CEP85L: variants seen among roughly 807,000 people sequenced by gnomAD.
CEP85L encodes centrosomal protein 85L.
A neutral mutation model predicts 100.3 loss-of-function variants in CEP85L; 60 were observed. The ratio of observed to expected loss-of-function variants is 0.60; its 90% CI spans 0.49 to 0.74. The LOEUF is 0.74. CEP85L is among the 30% of genes least tolerant of loss of function. The pLI, the probability that CEP85L is intolerant of heterozygous loss-of-function variation, is 0.00. For missense variants in CEP85L, 973 were observed against 936.2 expected (o/e 1.04, Z -0.51); for synonymous variants, 319 against 322.7 (o/e 0.99, Z 0.12).
At chr6:118,576,629 C>G (rs946937220) in intron 2 of CEP85L, among the ~76,000 whole-genome samples, 48 of 152,090 alleles carry the variant, frequency 3.2e-4, no homozygotes, top group African/African-American at 1.0e-3. Context: ...AGAGTTAATA[C>G]TCCTGTGTCT....
At chr6:118,517,805 T>C (rs1354846156) in intron 4 of CEP85L, among the ~76,000 whole-genome samples, 1 of 152,232 alleles carries the variant, frequency 6.6e-6, no homozygotes, top group Admixed American at 6.5e-5. Flanking sequence ...GGCATCCTTG[T>C]CTTGTGCCAG....
chr6:118,680,185 T>G (rs1264133113), intron 1 of CEP85L, among the ~76,000 whole-genome samples: 4 of 150,898 alleles, frequency 2.7e-5, no homozygotes, highest in Non-Finnish European at 4.4e-5. Flanking sequence ...CCCAGCTACT[T>G]GGGAGGCTGA....
chr6:118,472,932 A>G (rs1303102855), intron 10 of CEP85L, among the ~76,000 whole-genome samples: 1 of 152,200 alleles, frequency 6.6e-6, no homozygotes, highest in Non-Finnish European at 1.5e-5. Flanking sequence ...GTTTTAACGT[A>G]AGTATCCAGA....
At chr6:118,683,505 T>G (rs1776734609) in intron 1 of CEP85L, among the ~76,000 whole-genome samples, 1 of 152,210 alleles carries the variant, frequency 6.6e-6, no homozygotes, top group Non-Finnish European at 1.5e-5. Flanking sequence ...CAACGAATCT[T>G]CCTTCTCCTT....
chr6:118,632,750 C>T (rs1583199771), intron 1 of CEP85L, 139 bp from the exon 2 acceptor site: 2 of 560,604 alleles, frequency 3.6e-6, no homozygotes, highest in African/African-American at 3.8e-5. Context: ...AAATGATCAA[C>T]AAAATTAACC....
At chr6:118,492,178 T>C (rs1288716388) in intron 5 of CEP85L, among the ~76,000 whole-genome samples, 1 of 152,132 alleles carries the variant, frequency 6.6e-6, no homozygotes, top group East Asian at 1.9e-4. Flanking sequence ...ACAGCTATTA[T>C]TTGATTTTAA....
At chr6:118,549,672 A>G (rs1056613698) in intron 3 of CEP85L, among the ~76,000 whole-genome samples, 1 of 151,810 alleles carries the variant, frequency 6.6e-6, no homozygotes, top group Non-Finnish European at 1.5e-5. Context: ...TTTTCCTTTG[A>G]TAGTACATAA....
chr6:118,491,655 G>C (rs1774581669), intron 6 of CEP85L, 31 bp downstream of exon 6: 2 of 1,592,198 alleles, frequency 1.3e-6, no homozygotes, highest in South Asian at 1.1e-5. Flanking sequence ...AAATGTTGTT[G>C]ACCTAATTCA....
chr6:118,685,396 AT>A (rs1459252161), intron 1 of CEP85L, among the ~76,000 whole-genome samples: 1 of 152,164 alleles, frequency 6.6e-6, no homozygotes, highest in Non-Finnish European at 1.5e-5. Context: ...AAATAATGTG[AT>A]GTATAGTGTT....
chr6:118,656,684 T>A (rs1200416963), upstream of CEP85L: 2 of 152,266 alleles, frequency 1.3e-5, no homozygotes, highest in Non-Finnish European at 2.9e-5. Flanking sequence ...ATGTGATAAT[T>A]TAATACATTC....
intron 3 of CEP85L, among the ~76,000 whole-genome samples, chr6:118,556,000 C>T (rs1583039441): frequency 6.6e-6 from 1 of 152,304 alleles, no homozygotes; most frequent in Admixed American, 6.5e-5. Flanking sequence ...TTTATGGCTG[C>T]ATAGTATTGC....
At chr6:118,498,595 T>TAA (rs66813095) in intron 5 of CEP85L, among the ~76,000 whole-genome samples, 7 of 102,896 alleles carry the variant, frequency 6.8e-5, no homozygotes, top group Non-Finnish European at 9.8e-5. Context: ...CCCAATCTGT[T>TAA]AAAAAAAAAA....
intron 2 of CEP85L, among the ~76,000 whole-genome samples, chr6:118,579,413 A>AT (rs199522762): frequency 1.6e-4 from 24 of 152,062 alleles, no homozygotes; most frequent in African/African-American, 5.3e-4. Context: ...AAAAATTAGA[A>AT]TTTTTTTCTT....
At position 118,613,073 on chromosome 6, in the gene CEP85L, C is replaced by T. The variant is rs923547844; in HGVS notation, c.232+19380G>A. Among the ~76,000 whole-genome samples the T allele has an allele frequency of 1.6e-4, 25 of 151,708 alleles. 1 individual carries two copies. Among genetic ancestry groups the T allele is most frequent in the Admixed American group, 2.0e-4 (3 of 15,212 alleles). ...CTCTACTAAAAATACAAAAATTAGCCAGGAGTGGTGGGCCTGTAATCCCAG... is the reference window on the plus strand; with the variant it reads ...CTCTACTAAAAATACAAAAATTAGCTAGGAGTGGTGGGCCTGTAATCCCAG... On this transcript the variant is annotated intron_variant, in intron 2 of 12. Transcript: ENST00000368491.
intron 2 of CEP85L, among the ~76,000 whole-genome samples, chr6:118,604,462 C>CA (rs1438895547): frequency 6.6e-6 from 1 of 152,146 alleles, no homozygotes; most frequent in Non-Finnish European, 1.5e-5. Flanking sequence ...ACTCTTTAGG[C>CA]AAAAAAATCC....
intron 2 of CEP85L, among the ~76,000 whole-genome samples, chr6:118,629,369 T>C (rs1450039083): frequency 6.6e-6 from 1 of 152,190 alleles, no homozygotes; most frequent in African/African-American, 2.4e-5. Context: ...ATGGGCTTTA[T>C]AAAGACCTTT....
intron 1 of CEP85L, among the ~76,000 whole-genome samples, chr6:118,683,300 C>T (rs866827364): frequency 1.3e-5 from 2 of 152,192 alleles, no homozygotes; most frequent in Admixed American, 6.5e-5. Context: ...CCAAACCAAT[C>T]TTTGGGGGAG....
intron 2 of CEP85L, among the ~76,000 whole-genome samples, chr6:118,599,016 G>A (rs563121203): frequency 9.9e-5 from 15 of 152,256 alleles, no homozygotes; most frequent in East Asian, 9.6e-4. Context: ...TAATACTGAC[G>A]AATAAACAGA....
At chr6:118,622,929 C>A (rs1773546555) in intron 2 of CEP85L, among the ~76,000 whole-genome samples, 1 of 152,312 alleles carries the variant, frequency 6.6e-6, no homozygotes, top group Non-Finnish European at 1.5e-5. Context: ...TATGGAGCAA[C>A]CCCCTCCAGG....
Sources: allele counts gnomAD v4.1 joint callset (sites outside exome capture counted in the v4.1 genomes callset), GRCh38; gene constraint gnomAD v4.1.1; transcripts MANE v1.5; gene names NCBI Gene and HGNC (gene_info 2026-07-23, HGNC 2026-07-21).